MGAT4C: variants seen among roughly 807,000 people sequenced by gnomAD.
The protein encoded by MGAT4C is alpha-1,3-mannosyl-glycoprotein 4-beta-N-acetylglucosaminyltransferase C.
In MGAT4C, 19 loss-of-function variants were observed where a neutral mutation model predicts 40.1. The observed-to-expected ratio is 0.47, with a 90% CI of 0.33 to 0.70. The LOEUF (loss-of-function observed/expected upper bound fraction) is 0.70, where lower values mean the gene tolerates loss of function less well. Among genes scored for constraint, MGAT4C ranks in the 30% least tolerant of loss-of-function variants. The pLI is 0.02. For synonymous variants in MGAT4C, 181 were observed against 187.1 expected (o/e 0.97, Z 0.27); for missense variants, 491 against 563.2 (o/e 0.87, Z 1.30).
intron 2 of MGAT4C, among the ~76,000 whole-genome samples, chr12:86,658,792 T>C (rs1377845457): frequency 2.0e-5 from 3 of 152,126 alleles, no homozygotes; most frequent in Non-Finnish European, 4.4e-5. Context: ...CTTGTCCAGT[T>C]GACTTTAGGT....
chr12:85,959,721 A>G lies in MGAT4C; in HGVS notation c.*19568T>C, dbSNP rs200390022. 1.1e-4 allele frequency: 11 copies of G among 97,958 alleles called. No homozygotes were observed. Among genetic ancestry groups the G allele is most frequent in the Admixed American group, 1.1e-3 (11 of 9,968 alleles). 6.1% of individuals were successfully genotyped at this position (97,958 alleles called of 1,614,324 possible). A position where few individuals can be genotyped will look rare whatever the true frequency, so the allele number is the denominator to read the frequency against. The stretch of plus-strand genomic sequence containing the variant: ...TTTTTTCTGCTTTTTTTTTTTTTTT[A>G]TTTTCTGCTTGCTGAAATCGAGATC... On this transcript the variant is annotated 3_prime_UTR_variant, in exon 5 of 5. Transcript: ENST00000611864.
rs1883244726 is a variant in MGAT4C at position 85,964,153 on chromosome 12, T to C, written c.*15136A>G. 6.6e-6 allele frequency: 1 copy of C among 152,070 alleles called. No individual in the cohort carries two copies. The highest frequency in any genetic ancestry group is 1.9e-4 in the East Asian group (1 of 5,190). The allele number at this position is 152,070 out of a possible 1,614,324, so 9.4% of individuals were successfully genotyped here. ...AAATATATGAAAAATTATGAAAGAT[T>C]ATAAAACACCAATGATTAGATTATG... On this transcript the variant is annotated 3_prime_UTR_variant, in exon 5 of 5. Transcript: ENST00000611864.
intron 1 of MGAT4C, among the ~76,000 whole-genome samples, chr12:86,086,120 G>C (rs779102615): frequency 6.6e-6 from 1 of 152,124 alleles, no homozygotes; most frequent in Non-Finnish European, 1.5e-5. Context: ...ATTCACAATA[G>C]CAAAGACTTG....
At chr12:86,612,489 C>T (rs1450950433) in intron 2 of MGAT4C, among the ~76,000 whole-genome samples, 1 of 151,960 alleles carries the variant, frequency 6.6e-6, no homozygotes, top group East Asian at 1.9e-4. Flanking sequence ...GTGGCTCAAG[C>T]CTGTAATCCC....
rs1049924979 is a variant in MGAT4C, at chr12:86,448,610, G to T, written c.-228-13345C>A. On this transcript the variant is annotated intron_variant, in intron 2 of 7. Transcript: ENST00000548651. ...TCTAGTACCTATAATTAAACCTGCT[G>T]AATGGAGGGTGCTCAATGAATTATT... Among the ~76,000 whole-genome samples, 8 of 152,134 alleles carry T rather than the reference G, an allele frequency of 5.3e-5. No homozygotes were observed. The East Asian group carries it at 1.5e-3, about 29-fold the overall frequency.
chr12:86,004,602 G>T (rs1356707623), intron 2 of MGAT4C, among the ~76,000 whole-genome samples: 1 of 151,982 alleles, frequency 6.6e-6, no homozygotes, highest in Non-Finnish European at 1.5e-5. Flanking sequence ...CAAGCCAATG[G>T]GTTCATGAAA....
At chr12:86,775,100 G>C (rs141328772) in intron 1 of MGAT4C, among the ~76,000 whole-genome samples, 222 of 152,268 alleles carry the variant, frequency 1.5e-3, no homozygotes, top group Non-Finnish European at 2.0e-3. Flanking sequence ...TTAGTAAAAA[G>C]AGCCATGAAA....
At chr12:86,424,289 C>G (rs1426273591) in intron 3 of MGAT4C, among the ~76,000 whole-genome samples, 2 of 152,116 alleles carry the variant, frequency 1.3e-5, no homozygotes, top group African/African-American at 2.4e-5. Context: ...AAAGGTTTAG[C>G]CTTTCTCTTT....
chr12:86,239,410 C>G (rs1043111402), intron 1 of MGAT4C, among the ~76,000 whole-genome samples: 31 of 151,976 alleles, frequency 2.0e-4, no homozygotes, highest in African/African-American at 4.6e-4. Flanking sequence ...ACAGCCATCT[C>G]TCTCTCTCTC....
At chr12:86,051,102 C>T (rs1221344031) in intron 1 of MGAT4C, among the ~76,000 whole-genome samples, 3 of 151,954 alleles carry the variant, frequency 2.0e-5, no homozygotes, top group Non-Finnish European at 2.9e-5. Flanking sequence ...CAATATTATA[C>T]ATTTGAAACA....
chr12:86,111,552 A>G (rs1877414741), intron 1 of MGAT4C, among the ~76,000 whole-genome samples: 1 of 151,834 alleles, frequency 6.6e-6, no homozygotes, highest in Non-Finnish European at 1.5e-5. Context: ...TTTAAAAAAT[A>G]TTTTAAACAA....
At chr12:86,458,495 C>G (rs1957545196) in intron 2 of MGAT4C, among the ~76,000 whole-genome samples, 1 of 152,094 alleles carries the variant, frequency 6.6e-6, no homozygotes, top group African/African-American at 2.4e-5. Context: ...AGTCATAATT[C>G]TCCATTTGGA....
intron 2 of MGAT4C, among the ~76,000 whole-genome samples, chr12:86,682,127 T>C (rs1413225407): frequency 6.6e-6 from 1 of 152,096 alleles, no homozygotes; most frequent in Non-Finnish European, 1.5e-5. Context: ...AAAATCTTGA[T>C]AGTTTCATAT....
In MGAT4C at chr12:86,698,050, C is replaced by T. The variant is rs984464470; in HGVS notation, c.-229+29159G>A. ...TAGTTCCCAGCATGTGGCAATAATG[C>T]GAAAAATATGGTTTTATAAACCTGT... On this transcript the variant is annotated intron_variant, in intron 2 of 7. Transcript: ENST00000548651. Among the ~76,000 whole-genome samples the T allele has an allele frequency of 8.6e-5, 13 of 151,924 alleles. No homozygotes were observed. The East Asian group carries it at 2.1e-3, about 25-fold the overall frequency.
chr12:86,680,611 T>TA (rs1949964566), intron 2 of MGAT4C, among the ~76,000 whole-genome samples: 1 of 152,064 alleles, frequency 6.6e-6, no homozygotes, highest in African/African-American at 2.4e-5. Flanking sequence ...TTTTAAAAAG[T>TA]AAATTCTTCA....
At chr12:86,668,060 A>G (rs970424066) in intron 2 of MGAT4C, among the ~76,000 whole-genome samples, 10 of 152,200 alleles carry the variant, frequency 6.6e-5, no homozygotes, top group African/African-American at 2.4e-4. Flanking sequence ...AAAGAGCTTA[A>G]ATTACATTGA....
At chr12:86,250,843 G>A (rs946410760) in intron 1 of MGAT4C, among the ~76,000 whole-genome samples, 2 of 152,016 alleles carry the variant, frequency 1.3e-5, no homozygotes, top group Non-Finnish European at 2.9e-5. Context: ...TCTACAATCA[G>A]CATCTAGTTT....
chr12:86,504,245 G>A (rs1463528631), intron 2 of MGAT4C, among the ~76,000 whole-genome samples: 1 of 152,028 alleles, frequency 6.6e-6, no homozygotes, highest in African/African-American at 2.4e-5. Flanking sequence ...ATCTGCTGGA[G>A]CTGAAAATGC....
intron 1 of MGAT4C, among the ~76,000 whole-genome samples, chr12:86,074,160 CA>C (rs1869178137): frequency 6.6e-6 from 1 of 152,132 alleles, no homozygotes; most frequent in South Asian, 2.1e-4. Context: ...TTGCCACCAC[CA>C]TGTAAGAAGT....
Sources: allele counts gnomAD v4.1 joint callset (sites outside exome capture counted in the v4.1 genomes callset), GRCh38; gene constraint gnomAD v4.1.1; transcripts MANE v1.5; gene names NCBI Gene and HGNC (gene_info 2026-07-23, HGNC 2026-07-21).